TSHZ3: variants seen among roughly 807,000 people sequenced by gnomAD.
TSHZ3 encodes the protein teashirt zinc finger homeobox 3, also known as teashirt homolog 3.
TSHZ3 carries 10 observed loss-of-function variants against 64.5 expected under a neutral mutation model. The ratio of observed to expected loss-of-function variants is 0.16; its 90% CI spans 0.10 to 0.26. TSHZ3 has a LOEUF of 0.26. Among genes scored for constraint, TSHZ3 ranks in the 10% least tolerant of loss-of-function variants. The pLI, the probability that TSHZ3 is intolerant of heterozygous loss-of-function variation, is 1.00. For synonymous variants in TSHZ3, 608 were observed against 593.1 expected, an observed-to-expected ratio of 1.03 and a Z score of -0.36; for missense variants, 1,242 against 1,421.7, an observed-to-expected ratio of 0.87 and a Z score of 2.03.
At chr19:31,150,081 G>A (rs1266983892) in exon 7 of TSHZ3, among the ~76,000 whole-genome samples, 1 of 152,156 alleles carries the variant, frequency 6.6e-6, no homozygotes, top group Non-Finnish European at 1.5e-5. Context: ...ACGGTGGGAG[G>A]ACTTCTGTGA....
At chr19:31,293,597 G>A (rs1180293439) in intron 1 of TSHZ3, among the ~76,000 whole-genome samples, 1 of 152,158 alleles carries the variant, frequency 6.6e-6, no homozygotes, top group African/African-American at 2.4e-5. Flanking sequence ...CTCATTGAAA[G>A]TGATCTCTTT....
chr19:31,251,491 C>A (rs556159337), intron 1 of TSHZ3, among the ~76,000 whole-genome samples: 1 of 152,298 alleles, frequency 6.6e-6, no homozygotes, highest in East Asian at 1.9e-4. Flanking sequence ...GTGCAACAGG[C>A]ACCTCTTTGA....
chr19:31,284,422 TC>T lies in TSHZ3; in HGVS notation c.41-4671del, dbSNP rs539711260. ...AGAATATCAGGCTGGTCATATCACCTCCCCATATAACACCCTCAGTAACTTC... is the reference window on the plus strand; with the variant it reads ...AGAATATCAGGCTGGTCATATCACCTCCCATATAACACCCTCAGTAACTTC... On this transcript the variant is annotated intron_variant, in intron 1 of 1. Coordinates refer to ENST00000240587, the MANE Select transcript of TSHZ3 (RefSeq NM_020856.4). Among the ~76,000 whole-genome samples the T allele has an allele frequency of 4.0e-5, 6 of 151,894 alleles. No homozygotes were observed. The South Asian group carries it at 1.2e-3, about 32-fold the overall frequency.
chr19:31,333,201 A>G (rs1281941053), intron 1 of TSHZ3, among the ~76,000 whole-genome samples: 1 of 151,682 alleles, frequency 6.6e-6, no homozygotes, highest in Non-Finnish European at 1.5e-5. Context: ...GGGGCCTCAG[A>G]GAGATCTACA....
chr19:31,246,622 GA>G (rs1975760636), intron 1 of TSHZ3, among the ~76,000 whole-genome samples: 1 of 152,086 alleles, frequency 6.6e-6, no homozygotes, highest in South Asian at 2.1e-4. Context: ...GGGAGGAAGG[GA>G]GAGAGAGTGA....
At chr19:31,283,890 T>TC (rs1364493560) in intron 1 of TSHZ3, among the ~76,000 whole-genome samples, 1 of 152,040 alleles carries the variant, frequency 6.6e-6, no homozygotes, top group Non-Finnish European at 1.5e-5. Context: ...GACTGGGTGT[T>TC]CCCAGTCACT....
At chr19:31,165,113 G>A (rs1311242301) in intron 5 of TSHZ3, among the ~76,000 whole-genome samples, 1 of 152,206 alleles carries the variant, frequency 6.6e-6, no homozygotes, top group Non-Finnish European at 1.5e-5. Context: ...CGGAATCTCC[G>A]CTGCCCAGCC....
intron 1 of TSHZ3, among the ~76,000 whole-genome samples, chr19:31,266,461 G>T (rs1250639511): frequency 6.6e-6 from 1 of 152,054 alleles, no homozygotes; most frequent in African/African-American, 2.4e-5. Context: ...ACTCCCTGAG[G>T]AATCTGAGAA....
intron 6 of TSHZ3, among the ~76,000 whole-genome samples, chr19:31,153,885 C>T (rs150265700): frequency 6.6e-6 from 1 of 152,310 alleles, no homozygotes; most frequent in Non-Finnish European, 1.5e-5. Flanking sequence ...GAGTTATTGG[C>T]CCCAATTCTC....
intron 1 of TSHZ3, among the ~76,000 whole-genome samples, chr19:31,265,391 C>A (rs1479503268): frequency 2.9e-5 from 1 of 34,016 alleles, no homozygotes; most frequent in Non-Finnish European, 5.6e-5. Context: ...GAACAAAACT[C>A]TGTCTCAAAA....
Position 31,277,955 on chromosome 19 carries a change from A to T in TSHZ3, c.1838T>A (p.Leu613Gln), listed in dbSNP as rs752063552. ...AACTTTCTCAGTGACCTTTTTCACCAGCTCCTCCATGGCATGAAAGTTTGT... is the reference window on the plus strand; with the variant it reads ...AACTTTCTCAGTGACCTTTTTCACCTGCTCCTCCATGGCATGAAAGTTTGT... Reference protein sequence around the residue: ...PKTNFHAMEELVKKVTEKVAK... With the variant: ...PKTNFHAMEEQVKKVTEKVAK... Residue 613 changes from leucine to glutamine, a missense_variant, in exon 2 of 2, where the codon CTG becomes CAG. This residue lies in a region of TSHZ3 where 550 missense variants were observed against 545.1 expected (regional missense o/e 1.01). Transcript: ENST00000240587. The surrounding 1 kb of genome is among the most constrained non-coding windows in gnomAD (Gnocchi z 4.5). 1.9e-6 allele frequency: 3 copies of T among 1,614,180 alleles called. No homozygotes were observed. In the South Asian group the frequency reaches 3.3e-5, roughly 18 times the overall value.
chr19:31,170,580 C>A (rs1239650846), intron 5 of TSHZ3, among the ~76,000 whole-genome samples: 1 of 152,186 alleles, frequency 6.6e-6, no homozygotes, highest in Non-Finnish European at 1.5e-5. Flanking sequence ...CATCTGTTCT[C>A]ATTAGCTGTA....
At chr19:31,319,391 T>C (rs914461769) in intron 1 of TSHZ3, among the ~76,000 whole-genome samples, 20 of 152,362 alleles carry the variant, frequency 1.3e-4, no homozygotes, top group African/African-American at 4.8e-4. Context: ...TCAGTAATTT[T>C]TTTTAAAAAA....
intron 5 of TSHZ3, among the ~76,000 whole-genome samples, chr19:31,204,238 CCCTT>C (rs1201436062): frequency 1.3e-5 from 2 of 150,850 alleles, no homozygotes; most frequent in East Asian, 3.9e-4. Context: ...CTTCTTCAAT[CCCTT>C]CCTTCCTTCT....
intron 3 of TSHZ3, among the ~76,000 whole-genome samples, chr19:31,229,048 TAGA>T (rs887537000): frequency 6.6e-6 from 1 of 152,192 alleles, no homozygotes; most frequent in African/African-American, 2.4e-5. Context: ...GGGAGTTTTA[TAGA>T]AGAAGATATG....
At chr19:31,244,968 T>C (rs535480956) in intron 1 of TSHZ3, among the ~76,000 whole-genome samples, 1 of 152,352 alleles carries the variant, frequency 6.6e-6, no homozygotes, top group Admixed American at 6.5e-5. Context: ...GAAAATTTAA[T>C]ATCATTGGAA....
intron 5 of TSHZ3, chr19:31,204,605 C>A (rs1246339067): frequency 6.6e-6 from 1 of 152,230 alleles, no homozygotes; most frequent in Non-Finnish European, 1.5e-5. Flanking sequence ...TTGTTTTAAT[C>A]TTTAGATGTG....
At chr19:31,246,064 C>A (rs375289312) in intron 1 of TSHZ3, among the ~76,000 whole-genome samples, 1 of 152,058 alleles carries the variant, frequency 6.6e-6, no homozygotes, top group Admixed American at 6.6e-5. Flanking sequence ...TTCAGCATCT[C>A]GAGTTAAGCT....
At chr19:31,246,410 T>C (rs1975758418) in intron 1 of TSHZ3, among the ~76,000 whole-genome samples, 1 of 152,176 alleles carries the variant, frequency 6.6e-6, no homozygotes, top group Non-Finnish European at 1.5e-5. Flanking sequence ...AAAATTAAAA[T>C]AGCTGACATA....
Sources: allele counts gnomAD v4.1 joint callset (sites outside exome capture counted in the v4.1 genomes callset), GRCh38; gene constraint gnomAD v4.1.1; regional missense constraint gnomAD v4.1.1; non-coding constraint Gnocchi (gnomAD v3.1); transcripts MANE v1.5; gene names NCBI Gene and HGNC (gene_info 2026-07-23, HGNC 2026-07-21).